Variants in USP33 observed in about 807,000 individuals in gnomAD.
USP33 encodes ubiquitin carboxyl-terminal hydrolase 33.
Under a neutral mutation model 124.2 loss-of-function variants are expected in USP33, and 46 were observed. That is an observed-to-expected ratio of 0.37 (90% CI 0.29 to 0.47). The LOEUF (loss-of-function observed/expected upper bound fraction) is 0.47, where lower values mean the gene tolerates loss of function less well. USP33 is among the 20% of genes least tolerant of loss of function. USP33 has a pLI of 0.99. For synonymous variants in USP33, 350 were observed against 352.3 expected (o/e 0.99, Z 0.07); for missense variants, 851 against 1,070.6 (o/e 0.79, Z 2.86).
At chr1:77,736,345 G>GT (rs1300905030) in intron 5 of USP33, among the ~76,000 whole-genome samples, 187 bp from the exon 6 acceptor site, 1 of 152,120 alleles carries the variant, frequency 6.6e-6, no homozygotes, top group Non-Finnish European at 1.5e-5. Context: ...AAACCCTAGG[G>GT]TAATAGCATG....
chr1:77,713,081 ATAAG>A (rs1012417219), intron 20 of USP33, 115 bp downstream of exon 20: 90 of 768,024 alleles, frequency 1.2e-4, no homozygotes, highest in Admixed American at 2.6e-4. Flanking sequence ...TTTAGAATGA[ATAAG>A]TAAGGGAAAA....
At chr1:77,718,379 C>T (rs924595160) in intron 16 of USP33, among the ~76,000 whole-genome samples, 5 of 152,136 alleles carry the variant, frequency 3.3e-5, no homozygotes, top group African/African-American at 1.2e-4. Context: ...TGGCAAGATC[C>T]TGCAAGTATG....
chr1:77,733,131 T>C (rs889529512), intron 7 of USP33, among the ~76,000 whole-genome samples: 1 of 151,692 alleles, frequency 6.6e-6, no homozygotes, highest in African/African-American at 2.4e-5. Flanking sequence ...CAGTGGCCCA[T>C]GCCTATAATC....
Position 77,741,705 on chromosome 1 carries a change from G to A in USP33, c.-8C>T. 6.2e-7 allele frequency: 1 copy of A among 1,603,806 alleles called. No homozygotes were observed. The highest frequency in any genetic ancestry group is 8.5e-7 in the Non-Finnish European group (1 of 1,175,938). ...ATTTCGAAAAGCTGACATTTTGTTA[G>A]GAATTTTTTCCTGTTTCCCAAGACT... On this transcript the variant is annotated 5_prime_UTR_variant, in exon 2 of 24. Transcript: ENST00000370794.
At chr1:77,743,307 AT>A (rs199526126) in intron 1 of USP33, among the ~76,000 whole-genome samples, 45 of 152,062 alleles carry the variant, frequency 3.0e-4, no homozygotes, top group East Asian at 1.4e-3. Flanking sequence ...TAGTAAATAC[AT>A]TTTTTTTATT....
chr1:77,750,668 G>A (rs911300790), intron 1 of USP33, among the ~76,000 whole-genome samples: 1 of 143,068 alleles, frequency 7.0e-6, no homozygotes, highest in African/African-American at 3.0e-5. Context: ...AAGAAAGAAA[G>A]AAAGAAAGAA....
intron 19 of USP33, among the ~76,000 whole-genome samples, chr1:77,713,876 T>C (rs1237940587): frequency 2.6e-5 from 4 of 152,188 alleles, no homozygotes; most frequent in Non-Finnish European, 2.9e-5. Flanking sequence ...ACACTCTCTC[T>C]CCCAAGAACG....
intron 18 of USP33, chr1:77,715,018 A>G (rs1675703553): frequency 1.6e-5 from 6 of 372,156 alleles, no homozygotes; most frequent in Non-Finnish European, 2.8e-5. Context: ...TAAGCATTCA[A>G]ATGTTTGTTA....
At chr1:77,700,757 G>A (rs1478241528) in intron 22 of USP33, among the ~76,000 whole-genome samples, 1 of 146,092 alleles carries the variant, frequency 6.8e-6, no homozygotes, top group African/African-American at 2.6e-5. Context: ...CTGGAGTACA[G>A]TGGCATGATC....
At chr1:77,718,195 T>C (rs1225367668) in intron 16 of USP33, 148 bp from the exon 17 acceptor site, 1 of 761,338 alleles carries the variant, frequency 1.3e-6, no homozygotes. Flanking sequence ...TAGATTTTTA[T>C]TTCGTTTTAA....
At chr1:77,728,825 T>C (rs1043471082) in intron 9 of USP33, 113 bp from the exon 10 acceptor site, 14 of 1,139,632 alleles carry the variant, frequency 1.2e-5, no homozygotes, top group African/African-American at 7.8e-5. Flanking sequence ...CAGCACTATA[T>C]TGAGCAAATA....
intron 7 of USP33, among the ~76,000 whole-genome samples, chr1:77,732,342 C>T (rs1249402157): frequency 6.6e-6 from 1 of 152,044 alleles, no homozygotes; most frequent in Non-Finnish European, 1.5e-5. Flanking sequence ...TGTTTATCTC[C>T]AATTCCTTCA....
intron 1 of USP33, chr1:77,745,315 GT>G (rs1197293966): frequency 6.6e-6 from 1 of 152,118 alleles, no homozygotes; most frequent in African/African-American, 2.4e-5. Flanking sequence ...CTATGTGTGT[GT>G]CTGCACATGA....
rs1570797591 is a variant in USP33 at position 77,728,053 on chromosome 1, T to C, written c.1135+242A>G. ...GAGCCCAATTTTTTAGATTACTGCA[T>C]GACTACACAAAAGACATCTGATGAA... On this transcript the variant is annotated intron_variant, in intron 10 of 23. Coordinates refer to ENST00000370794, the MANE Select transcript of USP33 (RefSeq NM_201624.3). Among the ~76,000 whole-genome samples, 5 of 152,342 alleles carry C rather than the reference T, an allele frequency of 3.3e-5. 1 individual carries two copies. Among genetic ancestry groups the C allele is most frequent in the Admixed American group, 3.3e-4 (5 of 15,312 alleles).
intron 1 of USP33, chr1:77,759,427 T>C: frequency 2.5e-6 from 1 of 394,678 alleles, no homozygotes; most frequent in Non-Finnish European, 4.5e-6. Flanking sequence ...CCACCGACCG[T>C]TGACAGGGCG....
chr1:77,722,049 C>T lies in USP33; in HGVS notation c.1537G>A (p.Ala513Thr), dbSNP rs1676622970. Residue 513 changes from alanine (A) to threonine (T), a missense_variant, in exon 13 of 24, where the codon GCT becomes ACT. By Grantham distance (58) the Ala-to-Thr change is moderately conservative (BLOSUM62 0). Around this residue, in one of 4 missense-constraint regions of USP33, gnomAD observed 281 missense variants for 425.0 expected, o/e 0.66. Coordinates refer to ENST00000370794, the MANE Select transcript of USP33 (RefSeq NM_201624.3). ...CTCTTCACATATTCCATGAAAAAAG[C>T]TATCCACCCTTGTGGAGCATATGCT... ...GEAYAPQGWI[A>T]FFMEYVKRFV... is the part of the protein sequence containing the mutation. 9.3e-6 allele frequency: 15 copies of T among 1,612,924 alleles called. No individual in the cohort carries two copies. Among genetic ancestry groups the T allele is most frequent in the Non-Finnish European group, 1.3e-5 (15 of 1,179,644 alleles).
chr1:77,744,089 A>G (rs1679454896), intron 1 of USP33, among the ~76,000 whole-genome samples: 1 of 151,516 alleles, frequency 6.6e-6, no homozygotes, highest in South Asian at 2.1e-4. Flanking sequence ...GCGCCACTGC[A>G]ATCCAACCTG....
At chr1:77,738,342 A>G (rs1475066363) in intron 5 of USP33, among the ~76,000 whole-genome samples, 1 of 152,218 alleles carries the variant, frequency 6.6e-6, no homozygotes, top group African/African-American at 2.4e-5. Context: ...TGATGATCTG[A>G]TTAAGAAGCC....
At position 77,697,081 on chromosome 1, in the gene USP33, CA is replaced by C. The variant is rs1165403958; in HGVS notation, c.*235del. On this transcript the variant is annotated 3_prime_UTR_variant, in exon 24 of 24. Transcript: ENST00000370794. ...TGGGTGACAAAGCAAGACTCTGTCT[CA>C]AAAAAAAATTACACTGAAAGACTTT... 367 of 309,090 alleles carry C rather than the reference CA, an allele frequency of 1.2e-3. No homozygotes were observed. The highest frequency in any genetic ancestry group is 1.8e-3 in the East Asian group (28 of 15,946). 19.1% of individuals were successfully genotyped at this position (309,090 alleles called of 1,614,324 possible).
Sources: allele counts gnomAD v4.1 joint callset (sites outside exome capture counted in the v4.1 genomes callset), GRCh38; gene constraint gnomAD v4.1.1; regional missense constraint gnomAD v4.1.1; transcripts MANE v1.5; gene names NCBI Gene and HGNC (gene_info 2026-07-23, HGNC 2026-07-21).